The following TMEM135 variants were observed in gnomAD, a reference collection of about 807,000 sequenced individuals.
TMEM135 encodes peroxisomal membrane protein 52.
A neutral mutation model predicts 60.3 loss-of-function variants in TMEM135; 30 were observed. The observed-to-expected ratio is 0.50, with a 90% confidence interval of 0.37 to 0.68. The LOEUF (loss-of-function observed/expected upper bound fraction) is 0.68. Among genes scored for constraint, TMEM135 ranks in the 30% least tolerant of loss-of-function variants. The pLI is 0.00. For synonymous variants in TMEM135, 190 were observed against 186.7 expected (o/e 1.02, Z -0.14); for missense variants, 468 against 548.8 (o/e 0.85, Z 1.47).
intron 4 of TMEM135, among the ~76,000 whole-genome samples, chr11:87,155,344 A>C (rs1292916098): frequency 6.6e-6 from 1 of 152,196 alleles, no homozygotes; most frequent in African/African-American, 2.4e-5. Context: ...TATTCAAGAA[A>C]TCATTGTTAA....
intron 4 of TMEM135, among the ~76,000 whole-genome samples, chr11:87,132,117 A>T (rs1360768156): frequency 6.6e-6 from 1 of 152,134 alleles, no homozygotes; most frequent in Non-Finnish European, 1.5e-5. Context: ...TTCATCATAT[A>T]TTACAATGTA....
chr11:87,099,777 G>A (rs1439755352), intron 4 of TMEM135, among the ~76,000 whole-genome samples: 1 of 146,866 alleles, frequency 6.8e-6, no homozygotes, highest in African/African-American at 2.5e-5. Flanking sequence ...CCGCCTCCCA[G>A]GTTCAAGCGA....
At chr11:87,070,709 T>C (rs1856759661) in intron 2 of TMEM135, among the ~76,000 whole-genome samples, 1 of 152,078 alleles carries the variant, frequency 6.6e-6, no homozygotes, top group Admixed American at 6.5e-5. Flanking sequence ...TCATTTGTCA[T>C]TTATGAGGCA....
intron 6 of TMEM135, among the ~76,000 whole-genome samples, chr11:87,264,229 C>T (rs1468848989): frequency 3.5e-5 from 5 of 143,394 alleles, no homozygotes; most frequent in African/African-American, 1.3e-4. Context: ...TGTCTATGAT[C>T]TCTGTCTATG....
chr11:87,288,448 T>C (rs1192741398), intron 6 of TMEM135, among the ~76,000 whole-genome samples: 3 of 152,198 alleles, frequency 2.0e-5, no homozygotes, highest in African/African-American at 4.8e-5. Context: ...TAGCAACTAG[T>C]AATCTTAACA....
intron 5 of TMEM135, among the ~76,000 whole-genome samples, chr11:87,207,438 C>A (rs1025687455): frequency 2.6e-5 from 4 of 152,076 alleles, no homozygotes; most frequent in African/African-American, 9.7e-5. Context: ...TCCCTTAGAT[C>A]TCCTTTTGGG....
At position 87,323,590 on chromosome 11, in the gene TMEM135, C is replaced by G; in HGVS notation, c.*2257C>G. On this transcript the variant is annotated 3_prime_UTR_variant, in exon 15 of 15. Transcript: ENST00000305494. ...GGTAAGTTTTCACTGGAACTGATTA[C>G]AGTAAACAATAATATGTCCCCTTAG... 1 of 453,672 alleles carries G rather than the reference C, an allele frequency of 2.2e-6. No individual in the cohort carries two copies. 28.1% of individuals were successfully genotyped at this position (453,672 alleles called of 1,614,324 possible).
intron 1 of TMEM135, among the ~76,000 whole-genome samples, chr11:87,038,657 T>TA (rs1320471049): frequency 6.8e-6 from 1 of 146,020 alleles, no homozygotes; most frequent in Non-Finnish European, 1.5e-5. Flanking sequence ...TGGCCCTAAG[T>TA]CCCTGTGGCC....
intron 5 of TMEM135, among the ~76,000 whole-genome samples, chr11:87,180,037 G>C (rs74711312): frequency 1.3e-5 from 2 of 152,150 alleles, no homozygotes; most frequent in African/African-American, 4.8e-5. Flanking sequence ...AACAGATGCA[G>C]ACAGAAGAAT....
At chr11:87,044,768 A>T (rs941861405) in intron 1 of TMEM135, among the ~76,000 whole-genome samples, 1 of 151,834 alleles carries the variant, frequency 6.6e-6, no homozygotes, top group Non-Finnish European at 1.5e-5. Flanking sequence ...CTCCTGCCTC[A>T]GCCTGCCGAG....
chr11:87,210,539 C>T (rs1940342596), intron 5 of TMEM135, among the ~76,000 whole-genome samples: 1 of 152,032 alleles, frequency 6.6e-6, no homozygotes, highest in Non-Finnish European at 1.5e-5. Context: ...TACTGACCAA[C>T]AAAAGCCCTG....
chr11:87,110,766 GTGTGTA>G (rs1197508860), intron 4 of TMEM135, among the ~76,000 whole-genome samples: 1 of 151,634 alleles, frequency 6.6e-6, no homozygotes, highest in Non-Finnish European at 1.5e-5. Flanking sequence ...GAATGTGTGT[GTGTGTA>G]TGTGTGTGTG....
chr11:87,106,629 G>A, intron 4 of TMEM135, among the ~76,000 whole-genome samples: 1 of 152,104 alleles, frequency 6.6e-6, no homozygotes, highest in East Asian at 1.9e-4. Flanking sequence ...GTTTGAGAAA[G>A]ATTGGTATTA....
At position 87,326,411 on chromosome 11, in the gene TMEM135, C is replaced by CT. The variant is rs1248018912; in HGVS notation, c.*5083dup. ...GTCTAGTTCTTCAGTGTCTATTAAA[C>CT]TTTTTCCAGTAGTTAATCGATCTCT... is the stretch of plus-strand genomic sequence containing the variant. On this transcript the variant is annotated 3_prime_UTR_variant, in exon 15 of 15. Transcript: ENST00000305494. The CT allele has an allele frequency of 6.6e-6, 3 of 453,952 alleles. No individual in the cohort carries two copies. The highest frequency in any genetic ancestry group is 1.3e-5 in the Non-Finnish European group (3 of 226,782). 28.1% of individuals were successfully genotyped at this position (453,952 alleles called of 1,614,324 possible).
chr11:87,228,425 A>G (rs1353684817), intron 5 of TMEM135, among the ~76,000 whole-genome samples: 3 of 152,160 alleles, frequency 2.0e-5, no homozygotes, highest in African/African-American at 7.2e-5. Context: ...TGTTGAATGG[A>G]TAGGTAGAAA....
chr11:87,228,497 A>G (rs1196877009), intron 5 of TMEM135, among the ~76,000 whole-genome samples: 1 of 152,138 alleles, frequency 6.6e-6, no homozygotes, highest in East Asian at 1.9e-4. Context: ...TCTTCTTGAG[A>G]AGAGCAATGA....
At chr11:87,280,453 C>G (rs1942040713) in intron 6 of TMEM135, among the ~76,000 whole-genome samples, 1 of 152,160 alleles carries the variant, frequency 6.6e-6, no homozygotes, top group South Asian at 2.1e-4. Context: ...GTGTTACAGT[C>G]ATATTAAACC....
intron 5 of TMEM135, among the ~76,000 whole-genome samples, chr11:87,210,749 A>C (rs1209093296): frequency 6.6e-6 from 1 of 152,170 alleles, no homozygotes. Context: ...AAAAATCCTC[A>C]AGAAAATACT....
intron 3 of TMEM135, among the ~76,000 whole-genome samples, chr11:87,072,981 G>A (rs1856799239): frequency 6.6e-6 from 1 of 152,112 alleles, no homozygotes; most frequent in South Asian, 2.1e-4. Flanking sequence ...GTAAGAGTGT[G>A]AGTAATTCTC....
Sources: gnomAD v4.1 joint callset for allele counts (sites outside exome capture counted in the v4.1 genomes callset) on GRCh38, gnomAD v4.1.1 for gene constraint, MANE v1.5 for transcripts, NCBI Gene and HGNC (gene_info 2026-07-23, HGNC 2026-07-21) for gene names.